Variants in CSMD1 observed in about 807,000 individuals in gnomAD.
CSMD1 encodes CUB and Sushi multiple domains 1.
CSMD1 carries 213 observed loss-of-function variants against 417.5 expected under a neutral mutation model. The observed-to-expected ratio is 0.51, with a 90% CI of 0.46 to 0.57. The LOEUF is 0.57. Ranked by LOEUF, CSMD1 falls within the 20% of genes least tolerant of loss-of-function variation. CSMD1 has a pLI of 0.00. For synonymous variants in CSMD1, 2,862 were observed against 1,736.8 expected, an observed-to-expected ratio of 1.65 and a Z score of -16.11; for missense variants, 6,923 against 4,529.7, an observed-to-expected ratio of 1.53 and a Z score of -15.17.
intron 7 of CSMD1, among the ~76,000 whole-genome samples, chr8:3,706,011 C>T (rs897800841): frequency 3.9e-5 from 6 of 152,232 alleles, no homozygotes; most frequent in African/African-American, 1.2e-4. Flanking sequence ...GTAAAGGATT[C>T]ATGAGGTGCT....
chr8:4,404,873 C>T (rs1481043630), intron 3 of CSMD1, among the ~76,000 whole-genome samples: 2 of 152,154 alleles, frequency 1.3e-5, no homozygotes, highest in Non-Finnish European at 2.9e-5. Context: ...CACTTCCATG[C>T]ACTTCACATT....
chr8:3,631,869 G>T (rs1165366050), intron 7 of CSMD1, among the ~76,000 whole-genome samples: 1 of 152,040 alleles, frequency 6.6e-6, no homozygotes, highest in Non-Finnish European at 1.5e-5. Flanking sequence ...TTCCCCCCTG[G>T]TCCAAAGATA....
chr8:3,818,500 A>C (rs909002717), intron 5 of CSMD1, among the ~76,000 whole-genome samples: 2 of 152,168 alleles, frequency 1.3e-5, no homozygotes, highest in Non-Finnish European at 2.9e-5. Flanking sequence ...TAGGCATGAG[A>C]GATACAACTG....
rs138094932 is a variant in CSMD1, at chr8:3,790,711, G to C, written c.819-36669C>G. On this transcript the variant is annotated intron_variant, in intron 5 of 69. Transcript: ENST00000635120. ...ATCTTTTTGATATCTAGATACCTTT[G>C]ACAAAAACACCCAAACTTCTCCATT... is the stretch of plus-strand genomic sequence containing the variant. 2.4e-3 allele frequency among the ~76,000 whole-genome samples: 368 copies of C among 152,100 alleles called. 2 individuals carry two copies. The highest frequency in any genetic ancestry group is 8.2e-3 in the African/African-American group (341 of 41,482).
chr8:4,747,797 C>G (rs11136765), intron 1 of CSMD1, among the ~76,000 whole-genome samples: 1 of 151,964 alleles, frequency 6.6e-6, no homozygotes, highest in South Asian at 2.1e-4. Flanking sequence ...AAAAAAACAT[C>G]GAAACCCAGC....
At chr8:3,783,323 T>C (rs1471410708) in intron 5 of CSMD1, among the ~76,000 whole-genome samples, 2 of 152,212 alleles carry the variant, frequency 1.3e-5, no homozygotes, top group Non-Finnish European at 2.9e-5. Context: ...ACAGTGCAGA[T>C]GGCAGGTTTT....
At chr8:4,957,485 A>T (rs1035976246) in intron 1 of CSMD1, among the ~76,000 whole-genome samples, 3 of 152,224 alleles carry the variant, frequency 2.0e-5, no homozygotes, top group Admixed American at 6.5e-5. Context: ...GAAGACACAC[A>T]TATCAGAGTA....
At chr8:4,723,035 C>G (rs925730605) in intron 1 of CSMD1, among the ~76,000 whole-genome samples, 2 of 152,046 alleles carry the variant, frequency 1.3e-5, no homozygotes, top group African/African-American at 4.8e-5. Flanking sequence ...TATGTAATAT[C>G]TTGGCAAAAC....
At chr8:4,208,991 C>T (rs1452324495) in intron 3 of CSMD1, among the ~76,000 whole-genome samples, 1 of 152,218 alleles carries the variant, frequency 6.6e-6, no homozygotes, top group Non-Finnish European at 1.5e-5. Flanking sequence ...GTGAAAGCTG[C>T]TTTCTGCTTA....
intron 5 of CSMD1, among the ~76,000 whole-genome samples, chr8:3,824,252 C>CA (rs200887302): frequency 0.058 from 8,096 of 140,320 alleles, 528 homozygotes; most frequent in African/African-American, 0.16. Context: ...AAACAAAAAC[C>CA]AAAAAAAAAA....
At chr8:4,297,861 C>A (rs1437326586) in intron 3 of CSMD1, among the ~76,000 whole-genome samples, 1 of 152,024 alleles carries the variant, frequency 6.6e-6, no homozygotes, top group Non-Finnish European at 1.5e-5. Flanking sequence ...GCTGGTGGTC[C>A]TGCACTTTAA....
At chr8:3,838,599 T>A (rs892783876) in intron 5 of CSMD1, among the ~76,000 whole-genome samples, 1 of 139,912 alleles carries the variant, frequency 7.1e-6, no homozygotes, top group African/African-American at 2.6e-5. Context: ...CCTCTCTATA[T>A]AAATATTTAT....
chr8:4,731,491 C>A (rs142544638), intron 1 of CSMD1, among the ~76,000 whole-genome samples: 1 of 152,312 alleles, frequency 6.6e-6, no homozygotes, highest in African/African-American at 2.4e-5. Flanking sequence ...AGCAAATATT[C>A]ATTCAGATAT....
intron 1 of CSMD1, among the ~76,000 whole-genome samples, chr8:4,712,289 A>C (rs1469360568): frequency 6.6e-6 from 1 of 152,194 alleles, no homozygotes; most frequent in African/African-American, 2.4e-5. Flanking sequence ...AGTACACTTC[A>C]GTGTGGGAGA....
chr8:4,107,509 T>A (rs1164838839), intron 3 of CSMD1, among the ~76,000 whole-genome samples: 2 of 152,212 alleles, frequency 1.3e-5, no homozygotes, highest in Non-Finnish European at 2.9e-5. Flanking sequence ...GAATTCCATG[T>A]CTACAGCACT....
In CSMD1 at chr8:3,705,900, A is replaced by T. The variant is rs535681286; in HGVS notation, c.1009+2514T>A. 9.8e-5 allele frequency among the ~76,000 whole-genome samples: 15 copies of T among 152,340 alleles called. No individual in the cohort carries two copies. The East Asian group carries it at 2.9e-3, about 29-fold the overall frequency. On this transcript the variant is annotated intron_variant, in intron 7 of 69. Coordinates refer to ENST00000635120, the MANE Select transcript of CSMD1 (RefSeq NM_033225.6). ...CACCAGCACTTCACTCCCTGCAGACAGAAGATGAAATCCTCATGTCAGCAA... is the reference window on the plus strand; with the variant it reads ...CACCAGCACTTCACTCCCTGCAGACTGAAGATGAAATCCTCATGTCAGCAA...
At chr8:4,825,575 T>C (rs1023021177) in intron 1 of CSMD1, among the ~76,000 whole-genome samples, 5 of 134,388 alleles carry the variant, frequency 3.7e-5, no homozygotes, top group Non-Finnish European at 8.2e-5. Flanking sequence ...AGATACTTCA[T>C]ACAAGTGGGA....
At chr8:3,792,301 G>T (rs958914069) in intron 5 of CSMD1, among the ~76,000 whole-genome samples, 6 of 151,758 alleles carry the variant, frequency 4.0e-5, no homozygotes, top group African/African-American at 1.2e-4. Flanking sequence ...TCAAAAAGAA[G>T]AAGAAAAAAA....
chr8:4,851,172 C>T (rs2116831415), intron 1 of CSMD1, among the ~76,000 whole-genome samples: 1 of 147,332 alleles, frequency 6.8e-6, no homozygotes, highest in South Asian at 2.2e-4. Flanking sequence ...ATTCAATTCC[C>T]ACCTATGAGT....
Sources: gnomAD v4.1 joint callset for allele counts (sites outside exome capture counted in the v4.1 genomes callset) on GRCh38, gnomAD v4.1.1 for gene constraint, MANE v1.5 for transcripts, NCBI Gene and HGNC (gene_info 2026-07-23, HGNC 2026-07-21) for gene names.